Variants in CERS6 observed in about 807,000 individuals in gnomAD.
The protein encoded by CERS6 is LAG1 homolog, ceramide synthase 6.
In CERS6, 26 loss-of-function variants were observed where a neutral mutation model predicts 56.8. The ratio of observed to expected loss-of-function variants is 0.46; its 90% confidence interval spans 0.34 to 0.63. The LOEUF (loss-of-function observed/expected upper bound fraction) is 0.63, where lower values mean the gene tolerates loss of function less well. CERS6 is among the 30% of genes least tolerant of loss of function. The pLI, the probability that CERS6 is intolerant of heterozygous loss-of-function variation, is 0.01. For missense variants in CERS6, 415 were observed against 467.5 expected (o/e 0.89, Z 1.04); for synonymous variants, 164 against 173.3 (o/e 0.95, Z 0.42).
chr2:168,702,127 A>G (rs939145585), intron 6 of CERS6, among the ~76,000 whole-genome samples: 4 of 152,122 alleles, frequency 2.6e-5, no homozygotes. Context: ...TTTTCAATTC[A>G]TGGTTGAATC....
intron 4 of CERS6, among the ~76,000 whole-genome samples, chr2:168,664,875 C>G (rs2113770): frequency 0.072 from 10,942 of 152,192 alleles, 408 homozygotes; most frequent in Middle Eastern, 0.12. Context: ...AGGTTTCAGC[C>G]TCATTTTACC....
At chr2:168,508,342 A>G (rs1270511850) in intron 1 of CERS6, among the ~76,000 whole-genome samples, 1 of 152,184 alleles carries the variant, frequency 6.6e-6, no homozygotes, top group Non-Finnish European at 1.5e-5. Flanking sequence ...AAATTGATGA[A>G]TGATCTGTAA....
Position 168,717,894 on chromosome 2 carries a change from C to G in CERS6, c.761C>G (p.Ala254Gly), listed in dbSNP as rs781481701. The G allele has an allele frequency of 6.2e-7, 1 of 1,613,354 alleles. No homozygotes were observed. The highest frequency in any genetic ancestry group is 8.5e-7 in the Non-Finnish European group (1 of 1,179,638). ...LLEAAKMANY[A>G]KFQKMCDLLF... ...TAGGCTGCCAAAATGGCAAATTATG[C>G]CAAGTTTCAGAAAATGTGTGATCTC... Residue 254 changes from alanine to glycine, a missense_variant, in exon 8 of 10, where the codon GCC (alanine) becomes GGC (glycine). By Grantham distance (60) the Ala-to-Gly change is moderately conservative. Coordinates refer to ENST00000305747, the MANE Select transcript of CERS6 (RefSeq NM_203463.3).
chr2:168,479,805 TC>T (rs1375370827), intron 1 of CERS6, among the ~76,000 whole-genome samples: 2 of 152,028 alleles, frequency 1.3e-5, no homozygotes, highest in Non-Finnish European at 2.9e-5. Context: ...ACGGGGTTTC[TC>T]CATGTTGGTC....
At chr2:168,556,537 T>G (rs1695682051) in intron 2 of CERS6, among the ~76,000 whole-genome samples, 1 of 152,102 alleles carries the variant, frequency 6.6e-6, no homozygotes, top group Non-Finnish European at 1.5e-5. Context: ...GTGCCAAATT[T>G]TACATTGAAC....
intron 3 of CERS6, among the ~76,000 whole-genome samples, chr2:168,605,609 G>A (rs2105267273): frequency 6.6e-6 from 1 of 152,266 alleles, no homozygotes; most frequent in Non-Finnish European, 1.5e-5. Context: ...CAGACCAAGA[G>A]TCCTAGGAGT....
At chr2:168,570,318 TG>T (rs1695962062) in intron 3 of CERS6, among the ~76,000 whole-genome samples, 1 of 152,208 alleles carries the variant, frequency 6.6e-6, no homozygotes, top group South Asian at 2.1e-4. Context: ...GTGACAGAAG[TG>T]GATGAAGAAA....
At chr2:168,470,214 A>AAC (rs1196320910) in intron 1 of CERS6, among the ~76,000 whole-genome samples, 1 of 135,580 alleles carries the variant, frequency 7.4e-6, no homozygotes, top group African/African-American at 3.1e-5. Flanking sequence ...AACTCTACCA[A>AAC]AAAAAAAAAA....
rs765970479 is a variant in CERS6, at chr2:168,717,990, A to G, written c.845+12A>G. On this transcript the variant is annotated intron_variant, in intron 8 of 9. Transcript: ENST00000305747. Reference sequence around the variant, plus strand: ...ATATTTCCTCTCTGGTGAGTATGCCAGTCTCCTTCCTGATAGAGCCACCCT... The same window carrying G: ...ATATTTCCTCTCTGGTGAGTATGCCGGTCTCCTTCCTGATAGAGCCACCCT... The G allele has an allele frequency of 3.6e-5, 56 of 1,576,738 alleles. No individual in the cohort carries two copies. The highest frequency in any genetic ancestry group is 3.3e-4 in the Middle Eastern group (2 of 5,996).
chr2:168,581,083 A>G (rs1006885656), intron 3 of CERS6, among the ~76,000 whole-genome samples: 3 of 151,468 alleles, frequency 2.0e-5, no homozygotes, highest in African/African-American at 4.9e-5. Flanking sequence ...CAGTGGTGCA[A>G]TCTTGGCTCA....
At chr2:168,648,816 G>C (rs7594042) in intron 4 of CERS6, among the ~76,000 whole-genome samples, 54,978 of 151,914 alleles carry the variant, frequency 0.36, 13,275 homozygotes, top group African/African-American at 0.68. Context: ...TTTTCTTAGT[G>C]TTGACTTCTG....
At chr2:168,727,613 T>C (rs1437376286) in intron 8 of CERS6, among the ~76,000 whole-genome samples, 1 of 152,204 alleles carries the variant, frequency 6.6e-6, no homozygotes, top group African/African-American at 2.4e-5. Flanking sequence ...ATGATAAGAT[T>C]TGAAATTCAT....
chr2:168,665,723 A>G (rs1288255788), intron 4 of CERS6, among the ~76,000 whole-genome samples: 1 of 152,178 alleles, frequency 6.6e-6, no homozygotes, highest in Non-Finnish European at 1.5e-5. Flanking sequence ...ACATACCTAC[A>G]ACAGTGACTG....
At chr2:168,739,023 C>G (rs1437564558) in intron 8 of CERS6, among the ~76,000 whole-genome samples, 1 of 145,978 alleles carries the variant, frequency 6.9e-6, no homozygotes, top group Admixed American at 6.9e-5. Flanking sequence ...GTACCTGGGA[C>G]TACAGGCACA....
chr2:168,506,820 G>A (rs1694686665), intron 1 of CERS6, among the ~76,000 whole-genome samples: 1 of 152,066 alleles, frequency 6.6e-6, no homozygotes, highest in Admixed American at 6.6e-5. Flanking sequence ...AATGTTCGTG[G>A]CTTAAAAAAT....
intron 1 of CERS6, among the ~76,000 whole-genome samples, chr2:168,477,226 AG>A (rs972012264): frequency 1.3e-5 from 2 of 148,900 alleles, no homozygotes; most frequent in African/African-American, 5.0e-5. Context: ...AGAGTCTCAT[AG>A]GGCACTAATT....
At chr2:168,639,877 C>T (rs1684947693) in intron 4 of CERS6, among the ~76,000 whole-genome samples, 1 of 152,092 alleles carries the variant, frequency 6.6e-6, no homozygotes, top group Admixed American at 6.6e-5. Flanking sequence ...GTTTGCCTCC[C>T]TTCTCATTTA....
intron 8 of CERS6, among the ~76,000 whole-genome samples, chr2:168,760,819 G>T (rs1421361636): frequency 6.6e-6 from 1 of 151,766 alleles, no homozygotes; most frequent in African/African-American, 2.4e-5. Context: ...GCAGTGGCGC[G>T]ATCTCGGCTC....
chr2:168,517,527 A>C (rs866471508), intron 1 of CERS6, among the ~76,000 whole-genome samples: 4 of 150,832 alleles, frequency 2.7e-5, no homozygotes, highest in African/African-American at 9.8e-5. Context: ...ATAAATAATA[A>C]AATAAAATAA....
Sources: gnomAD v4.1 joint callset for allele counts (sites outside exome capture counted in the v4.1 genomes callset) on GRCh38, gnomAD v4.1.1 for gene constraint, MANE v1.5 for transcripts, NCBI Gene and HGNC (gene_info 2026-07-23, HGNC 2026-07-21) for gene names.